The following CYP2C8 variants were observed in gnomAD, a reference collection of about 807,000 sequenced individuals.
CYP2C8 encodes cytochrome P450 2C8.
Under a neutral mutation model 41.3 loss-of-function variants are expected in CYP2C8, and 51 were observed. That is an observed-to-expected ratio of 1.24 (90% confidence interval 0.99 to 1.56). CYP2C8 has a LOEUF of 1.56. Ranked by LOEUF, CYP2C8 falls within the 40% of genes most tolerant of loss-of-function variation. The probability of loss-of-function intolerance (pLI) is 0.00; values close to 1 mark genes in which losing one functional copy is unlikely to be tolerated. For missense variants in CYP2C8, 651 were observed against 579.9 expected (o/e 1.12, Z -1.26); for synonymous variants, 218 against 205.8 (o/e 1.06, Z -0.51).
chr10:95,055,787 C>T (rs11572117), intron 5 of CYP2C8, among the ~76,000 whole-genome samples: 6,986 of 152,030 alleles, frequency 0.046, 166 homozygotes, highest in Middle Eastern at 0.1. Flanking sequence ...GACAAGCAAC[C>T]CAGTATAGAA....
In CYP2C8 at chr10:95,067,657, T is replaced by C. The variant is rs751453931; in HGVS notation, c.203A>G (p.Tyr68Cys). Residue 68 changes from tyrosine to cysteine, a missense_variant, in exon 2 of 9, where the codon TAT becomes TGT. Physicochemically the swap from Tyr to Cys is radical, Grantham distance 194. Transcript: ENST00000371270. ...SKVYGPVFTV[Y>C]FGMNPIVVFH... ...CACCACTATGGGATTCATGCCAAAA[T>C]ACACGGTGAACACAGGACCATAGAC... 6.2e-7 allele frequency: 1 copy of C among 1,614,074 alleles called. No homozygotes were observed. The highest frequency in any genetic ancestry group is 8.5e-7 in the Non-Finnish European group (1 of 1,180,012).
At chr10:95,062,708 G>A (rs1277280241) in intron 4 of CYP2C8, among the ~76,000 whole-genome samples, 29 of 152,226 alleles carry the variant, frequency 1.9e-4, no homozygotes, top group Admixed American at 1.2e-3. Flanking sequence ...TATTTTGCTC[G>A]TTAGTTGATG....
intron 4 of CYP2C8, among the ~76,000 whole-genome samples, chr10:95,063,330 G>A (rs2033481654): frequency 6.6e-6 from 1 of 152,170 alleles, no homozygotes; most frequent in South Asian, 2.1e-4. Flanking sequence ...TGGAGGCTTT[G>A]TGCATTTCTT....
intron 4 of CYP2C8, among the ~76,000 whole-genome samples, chr10:95,058,759 C>T (rs778627819): frequency 7.9e-5 from 12 of 151,848 alleles, no homozygotes; most frequent in Non-Finnish European, 1.3e-4. Context: ...TCGTCATATA[C>T]ATTAGGTATA....
At position 95,037,094 on chromosome 10, in the gene CYP2C8, AT is replaced by A; in HGVS notation, c.*33del. ...CTTGATAAAAAAAGAGTTGCAGGTG[AT>A]AGCAGATCGGCAGCCAGATGGGCTA... On this transcript the variant is annotated 3_prime_UTR_variant, in exon 9 of 9. Transcript: ENST00000371270. The A allele has an allele frequency of 6.3e-7, 1 of 1,596,798 alleles. No homozygotes were observed. Among genetic ancestry groups the A allele is most frequent in the Non-Finnish European group, 8.6e-7 (1 of 1,164,688 alleles).
At chr10:95,039,945 G>A (rs977436376) in intron 7 of CYP2C8, among the ~76,000 whole-genome samples, 6 of 152,100 alleles carry the variant, frequency 3.9e-5, no homozygotes, top group Non-Finnish European at 5.9e-5. Flanking sequence ...ACCAGCCTGA[G>A]GAACATTTTA....
intron 7 of CYP2C8, 48 bp from the exon 8 acceptor site, chr10:95,039,086 T>G: frequency 9.6e-6 from 15 of 1,560,418 alleles, no homozygotes; most frequent in Non-Finnish European, 1.3e-5. Flanking sequence ...AGTCCAGAAG[T>G]GAGGAGAAGT....
chr10:95,058,479 ACAAT>A lies in CYP2C8; in HGVS notation c.671_674del (p.Asp224ValfsTer24), dbSNP rs753524167. The A allele has an allele frequency of 4.2e-5, 68 of 1,613,046 alleles. No homozygotes were observed. In the South Asian group the frequency reaches 7.4e-4, roughly 17 times the overall value. ...GCACTTTGTTGTGAGTTCCTGGGAA[ACAAT>A]CAATGAGTAGAGGGAAATTATTGCA... On this transcript the variant is annotated frameshift_variant, in exon 5 of 9. Coordinates refer to ENST00000371270, the MANE Select transcript of CYP2C8 (RefSeq NM_000770.3). LOFTEE classifies it high-confidence loss of function.
At position 95,038,892 on chromosome 10, in the gene CYP2C8, A is replaced by G. The variant is rs755108098; in HGVS notation, c.1291+5T>C. The G allele has an allele frequency of 1.4e-5, 23 of 1,613,656 alleles. No homozygotes were observed. The highest frequency in any genetic ancestry group is 1.8e-5 in the Non-Finnish European group (21 of 1,179,704). ...TAAATACAAATGGAAACGAGTTTCT[A>G]TTACCTGCTGAGAAAGGCATGAAGT... On this transcript the variant is annotated splice_donor_5th_base_variant and intron_variant, in intron 8 of 8. Transcript: ENST00000371270.
chr10:95,059,524 T>C (rs1269844721), intron 4 of CYP2C8, among the ~76,000 whole-genome samples: 9 of 152,188 alleles, frequency 5.9e-5, no homozygotes, highest in Admixed American at 5.9e-4. Context: ...TTTGAGTTCA[T>C]TGTAGATTCT....
intron 5 of CYP2C8, among the ~76,000 whole-genome samples, chr10:95,053,419 T>C (rs1365851475): frequency 6.6e-6 from 1 of 152,316 alleles, no homozygotes; most frequent in African/African-American, 2.4e-5. Flanking sequence ...TTACTGTGTA[T>C]ATACTCAAAG....
At chr10:95,059,066 C>T (rs968120701) in intron 4 of CYP2C8, among the ~76,000 whole-genome samples, 1 of 152,130 alleles carries the variant, frequency 6.6e-6, no homozygotes, top group Non-Finnish European at 1.5e-5. Flanking sequence ...GGCTTGGTTC[C>T]AAGTCTTTGC....
rs934901241 is a variant in CYP2C8 at position 95,069,456 on chromosome 10, A to T, written c.-54T>A. On this transcript the variant is annotated 5_prime_UTR_variant, in exon 1 of 9. Transcript: ENST00000371270. ...TGTGAGCTTGCACTCCAAAGTTTTT[A>T]TAACACTCCCTGCTAATTTAGTGTG... 41 of 1,410,006 alleles carry T rather than the reference A, an allele frequency of 2.9e-5. No homozygotes were observed. The highest frequency in any genetic ancestry group is 3.9e-5 in the Non-Finnish European group (39 of 996,864). 87.3% of individuals were successfully genotyped at this position (1,410,006 alleles called of 1,614,324 possible). A position where few individuals can be genotyped will look rare whatever the true frequency, so the allele number is the denominator to read the frequency against.
chr10:95,060,718 T>G (rs2033409628), intron 4 of CYP2C8, among the ~76,000 whole-genome samples: 1 of 152,220 alleles, frequency 6.6e-6, no homozygotes, highest in South Asian at 2.1e-4. Context: ...CCCTGTCTTG[T>G]GCCAGTTTTC....
intron 3 of CYP2C8, among the ~76,000 whole-genome samples, chr10:95,066,153 A>AGAGAGAGAGTGTGTGT (rs1342809282): frequency 4.5e-4 from 40 of 88,264 alleles, no homozygotes; most frequent in Admixed American, 1.5e-3. Flanking sequence ...AGAGAGAGAG[A>AGAGAGAGAGTGTGTGT]GTGTGTGTGT....
chr10:95,061,699 T>G (rs571193965), intron 4 of CYP2C8, among the ~76,000 whole-genome samples: 105 of 152,334 alleles, frequency 6.9e-4, no homozygotes, highest in Non-Finnish European at 1.1e-3. Flanking sequence ...ATGTGTTTGT[T>G]CTTGCTTCTC....
intron 8 of CYP2C8, among the ~76,000 whole-genome samples, chr10:95,038,415 G>C (rs2032928371): frequency 6.6e-6 from 1 of 151,854 alleles, no homozygotes; most frequent in African/African-American, 2.4e-5. Flanking sequence ...GTCCTGGTCT[G>C]ACTAAATTAC....
intron 1 of CYP2C8, among the ~76,000 whole-genome samples, chr10:95,068,297 A>C (rs1187430416): frequency 1.3e-5 from 2 of 152,244 alleles, no homozygotes; most frequent in African/African-American, 4.8e-5. Context: ...CCACAAAGTT[A>C]GAATCAGGAC....
chr10:95,049,940 G>A (rs188750327), intron 5 of CYP2C8, among the ~76,000 whole-genome samples: 60 of 136,878 alleles, frequency 4.4e-4, no homozygotes, highest in Non-Finnish European at 6.7e-4. Context: ...GAGGCTTACC[G>A]GCTTCAGGTA....
Sources: allele counts gnomAD v4.1 joint callset (sites outside exome capture counted in the v4.1 genomes callset), GRCh38; gene constraint gnomAD v4.1.1; transcripts MANE v1.5; gene names NCBI Gene and HGNC (gene_info 2026-07-23, HGNC 2026-07-21).